Variants in LUZP2 observed in about 807,000 individuals in gnomAD.
LUZP2 encodes leucine zipper protein 2.
In LUZP2, 52 loss-of-function variants were observed where a neutral mutation model predicts 51.6. The ratio of observed to expected loss-of-function variants is 1.01; its 90% CI spans 0.81 to 1.27. LUZP2 has a LOEUF of 1.27. LUZP2 is among the 50% of genes most tolerant of loss of function. The pLI is 0.00. For synonymous variants in LUZP2, 154 were observed against 137.3 expected (o/e 1.12, Z -0.85); for missense variants, 436 against 395.4 (o/e 1.10, Z -0.87).
intron 5 of LUZP2, among the ~76,000 whole-genome samples, chr11:24,864,507 A>T (rs1170576832): frequency 6.6e-6 from 1 of 152,216 alleles, no homozygotes; most frequent in Non-Finnish European, 1.5e-5. Flanking sequence ...TAGCTCAATG[A>T]TCACATATGA....
At chr11:24,682,273 T>A (rs930046053) in intron 1 of LUZP2, among the ~76,000 whole-genome samples, 2 of 151,874 alleles carry the variant, frequency 1.3e-5, no homozygotes, top group Non-Finnish European at 2.9e-5. Flanking sequence ...GGTGGGCAAA[T>A]CACTTGAGGA....
At chr11:24,682,355 T>A (rs1012255246) in intron 1 of LUZP2, among the ~76,000 whole-genome samples, 1 of 151,224 alleles carries the variant, frequency 6.6e-6, no homozygotes, top group Non-Finnish European at 1.5e-5. Context: ...ATTAGCCGGC[T>A]ACGGTGGCAA....
intron 4 of LUZP2, among the ~76,000 whole-genome samples, chr11:24,758,139 G>T (rs1859841837): frequency 6.6e-6 from 1 of 152,054 alleles, no homozygotes. Context: ...GAATGTAGAT[G>T]TAAAAATTCT....
intron 1 of LUZP2, among the ~76,000 whole-genome samples, chr11:24,505,777 T>C (rs1466397582): frequency 6.6e-6 from 1 of 151,886 alleles, no homozygotes; most frequent in African/African-American, 2.4e-5. Flanking sequence ...CTTAACCAAT[T>C]CCAGTTGGGA....
At chr11:24,854,481 A>G (rs1314174769) in intron 5 of LUZP2, among the ~76,000 whole-genome samples, 13 of 152,146 alleles carry the variant, frequency 8.5e-5, no homozygotes, top group Admixed American at 8.5e-4. Flanking sequence ...ATCAAGCTTG[A>G]GCATACCAGG....
At chr11:24,575,733 C>T (rs1000934870) in intron 1 of LUZP2, among the ~76,000 whole-genome samples, 33 of 152,148 alleles carry the variant, frequency 2.2e-4, no homozygotes, top group African/African-American at 7.7e-4. Flanking sequence ...TGAGAGGCTG[C>T]ATTCCAGATC....
intron 9 of LUZP2, among the ~76,000 whole-genome samples, chr11:24,991,396 G>GTATATATATATATATATATATA (rs58483878): frequency 2.4e-5 from 3 of 124,962 alleles, no homozygotes; most frequent in Non-Finnish European, 1.7e-5. Flanking sequence ...GTGTGTGTGT[G>GTATATATATATATATATATATA]TATATATATA....
chr11:24,865,376 A>G (rs1348621193), intron 5 of LUZP2, among the ~76,000 whole-genome samples: 4 of 152,220 alleles, frequency 2.6e-5, no homozygotes, highest in Non-Finnish European at 5.9e-5. Context: ...GAGAAGTTCA[A>G]GTAGTCTTGT....
At chr11:24,773,342 G>T (rs951750572) in intron 5 of LUZP2, among the ~76,000 whole-genome samples, 8 of 152,040 alleles carry the variant, frequency 5.3e-5, no homozygotes, top group Non-Finnish European at 1.5e-5. Flanking sequence ...TTACCGAGAA[G>T]TACAGATCTC....
At chr11:25,031,097 C>T (rs1406153120) in intron 9 of LUZP2, among the ~76,000 whole-genome samples, 1 of 141,256 alleles carries the variant, frequency 7.1e-6, no homozygotes, top group African/African-American at 2.6e-5. Flanking sequence ...ATGCAACCTC[C>T]ACCTCCCGAA....
intron 4 of LUZP2, among the ~76,000 whole-genome samples, chr11:24,746,268 ATTTG>A (rs1859376419): frequency 6.6e-6 from 1 of 152,246 alleles, no homozygotes; most frequent in East Asian, 1.9e-4. Context: ...TTCACTCAGC[ATTTG>A]TTTGTCCAGA....
chr11:24,777,453 A>G (rs1848968664), intron 5 of LUZP2, among the ~76,000 whole-genome samples: 1 of 152,200 alleles, frequency 6.6e-6, no homozygotes, highest in African/African-American at 2.4e-5. Flanking sequence ...GAGAAGAAAC[A>G]AATTCAAATA....
At chr11:24,598,791 G>A (rs893036564) in intron 1 of LUZP2, among the ~76,000 whole-genome samples, 1 of 152,164 alleles carries the variant, frequency 6.6e-6, no homozygotes, top group Non-Finnish European at 1.5e-5. Flanking sequence ...GGCTGCAGCT[G>A]TTGACAGCAC....
intron 1 of LUZP2, among the ~76,000 whole-genome samples, chr11:24,727,550 G>T: frequency 6.6e-6 from 1 of 151,910 alleles, no homozygotes; most frequent in East Asian, 1.9e-4. Flanking sequence ...ATGAATTATG[G>T]TCACTTAAGA....
intron 1 of LUZP2, among the ~76,000 whole-genome samples, chr11:24,592,423 T>C (rs1400268115): frequency 1.3e-5 from 2 of 152,170 alleles, no homozygotes; most frequent in Admixed American, 1.3e-4. Context: ...AAAGATAGAA[T>C]AAAAATGATA....
At chr11:24,801,471 A>C (rs1849696757) in intron 5 of LUZP2, among the ~76,000 whole-genome samples, 1 of 152,016 alleles carries the variant, frequency 6.6e-6, no homozygotes, top group African/African-American at 2.4e-5. Flanking sequence ...TGAATACTAT[A>C]ATATTATGAA....
At chr11:24,857,304 C>CATAT (rs1320538501) in intron 5 of LUZP2, among the ~76,000 whole-genome samples, 2 of 47,772 alleles carry the variant, frequency 4.2e-5, no homozygotes, top group African/African-American at 8.6e-5. Context: ...TATATATATA[C>CATAT]ATATATATAC....
At chr11:24,563,242 C>T (rs1035084818) in intron 1 of LUZP2, among the ~76,000 whole-genome samples, 2 of 152,132 alleles carry the variant, frequency 1.3e-5, no homozygotes, top group East Asian at 3.9e-4. Flanking sequence ...GTATAGGGAC[C>T]ACCAAAACAC....
At chr11:24,901,943 C>T (rs1853293639) in intron 5 of LUZP2, among the ~76,000 whole-genome samples, 1 of 152,076 alleles carries the variant, frequency 6.6e-6, no homozygotes. Context: ...TACAAGTAAA[C>T]ATGATAAACA....
Sources: allele counts gnomAD v4.1 joint callset (sites outside exome capture counted in the v4.1 genomes callset), GRCh38; gene constraint gnomAD v4.1.1; transcripts MANE v1.5; gene names NCBI Gene and HGNC (gene_info 2026-07-23, HGNC 2026-07-21).